Variants in ATP6V0A1 observed in about 807,000 individuals in gnomAD.
ATP6V0A1 encodes ATPase H+ transporting V0 subunit a1, also known as V-type proton ATPase 116 kDa subunit a 1.
In ATP6V0A1, 43 loss-of-function variants were observed where a neutral mutation model predicts 105.4. The ratio of observed to expected loss-of-function variants is 0.41; its 90% CI spans 0.32 to 0.53. The LOEUF (loss-of-function observed/expected upper bound fraction) is 0.53, where lower values mean the gene tolerates loss of function less well. Among genes scored for constraint, ATP6V0A1 ranks in the 20% least tolerant of loss-of-function variants. The pLI is 0.30. For synonymous variants in ATP6V0A1, 362 were observed against 372.8 expected (o/e 0.97, Z 0.33); for missense variants, 676 against 1,051.1 (o/e 0.64, Z 4.93).
chr17:42,521,123 C>T lies in ATP6V0A1; in HGVS notation c.*3C>T, dbSNP rs750638501. On this transcript the variant is annotated 3_prime_UTR_variant, in exon 22 of 22. Transcript: ENST00000343619. The surrounding 1 kb of genome is among the most constrained non-coding windows in gnomAD (Gnocchi z 4.8). The stretch of plus-strand genomic sequence containing the variant: ...GGGAAGGGAAGTTTGAAGAGTGAGT[C>T]CCTGTGAGGGCCGTGTGCCCCATGC... The T allele has an allele frequency of 6.2e-7, 1 of 1,604,454 alleles. No homozygotes were observed. Among genetic ancestry groups the T allele is most frequent in the African/African-American group, 1.3e-5 (1 of 74,570 alleles).
Position 42,490,580 on chromosome 17 carries a change from G to A in ATP6V0A1, c.1117G>A (p.Gly373Ser). 1 of 1,613,476 alleles carries A rather than the reference G, an allele frequency of 6.2e-7. No homozygotes were observed. The highest frequency in any genetic ancestry group is 8.5e-7 in the Non-Finnish European group (1 of 1,179,784). ...TAACAAAACCAACAAGTTTACCTAT[G>A]GCTTTCAGAACATAGTAGATGCTTA... ...TYNKTNKFTY[G>S]FQNIVDAYGI... The change falls in exon 11 of 22, where the codon GGC (glycine) becomes AGC (serine). Residue 373 changes from glycine to serine, a missense_variant. Gly to Ser is a moderately conservative substitution (Grantham distance 56). Transcript: ENST00000343619.
Position 42,477,723 on chromosome 17 carries a change from G to A in ATP6V0A1, c.487G>A (p.Gly163Ser). 1 of 1,613,750 alleles carries A rather than the reference G, an allele frequency of 6.2e-7. No homozygotes were observed. Among genetic ancestry groups the A allele is most frequent in the Non-Finnish European group, 8.5e-7 (1 of 1,179,798 alleles). ...CTTGGAGCCAAGTGAGATGGGAAGA[G>A]GCACTCCTTTAAGACTTGGGTAAGT... ...SLLEPSEMGR[G>S]TPLRLGFVAG... Residue 163 changes from glycine to serine, a missense_variant, in exon 6 of 22, where the codon GGC becomes AGC. Physicochemically the swap from Gly to Ser is moderately conservative, Grantham distance 56 (BLOSUM62 0). Transcript: ENST00000343619.
At position 42,521,054 on chromosome 17, in the gene ATP6V0A1, C is replaced by G; in HGVS notation, c.2448C>G (p.Ser816Arg). ...TTGAGTTCCAGAATAAATTCTACAG[C>G]GGGACCGGTTTCAAGTTCTTACCCT... The part of the protein sequence containing the change: ...HWVEFQNKFY[S>R]GTGFKFLPFS... The change falls in exon 22 of 22, where the codon AGC becomes AGG. Residue 816 changes from serine (S) to arginine (R), a missense_variant. Ser to Arg is a moderately radical substitution (Grantham distance 110, BLOSUM62 -1). Coordinates refer to ENST00000343619, the MANE Select transcript of ATP6V0A1 (RefSeq NM_001130021.3). The surrounding 1 kb of genome is among the most constrained non-coding windows in gnomAD (Gnocchi z 4.8). The G allele has an allele frequency of 6.2e-7, 1 of 1,607,954 alleles. No individual in the cohort carries two copies. The highest frequency in any genetic ancestry group is 8.5e-7 in the Non-Finnish European group (1 of 1,177,252).
chr17:42,517,305 C>CAAA (rs571125471), intron 21 of ATP6V0A1, among the ~76,000 whole-genome samples: 11 of 149,168 alleles, frequency 7.4e-5, no homozygotes, highest in East Asian at 2.0e-4. Flanking sequence ...ACAACAACAA[C>CAAA]AAAAAAACCT....
intron 14 of ATP6V0A1, among the ~76,000 whole-genome samples, chr17:42,497,833 C>T (rs999363621): frequency 1.4e-5 from 2 of 147,582 alleles, no homozygotes; most frequent in South Asian, 4.3e-4. Flanking sequence ...GTCAAGAGAT[C>T]GAGACCTTCC....
At chr17:42,479,581 A>G (rs113541290) in intron 7 of ATP6V0A1, among the ~76,000 whole-genome samples, 20 of 152,348 alleles carry the variant, frequency 1.3e-4, no homozygotes, top group African/African-American at 4.8e-4. Flanking sequence ...GTTCTAAATT[A>G]TCTTGTGAAT....
At chr17:42,465,405 C>T (rs912406390) in intron 2 of ATP6V0A1, among the ~76,000 whole-genome samples, 15 of 151,874 alleles carry the variant, frequency 9.9e-5, no homozygotes, top group African/African-American at 3.6e-4. Context: ...ATTCTTCTGC[C>T]TTGGCCTCCC....
intron 17 of ATP6V0A1, among the ~76,000 whole-genome samples, chr17:42,501,693 G>A (rs551898388): frequency 1.5e-4 from 23 of 151,484 alleles, no homozygotes; most frequent in African/African-American, 4.6e-4. Context: ...GATTACAAGC[G>A]TGAGCCACCA....
chr17:42,504,594 C>T (rs1355319212), intron 17 of ATP6V0A1, among the ~76,000 whole-genome samples: 1 of 152,178 alleles, frequency 6.6e-6, no homozygotes, highest in African/African-American at 2.4e-5. Flanking sequence ...TGGAGGTGTC[C>T]AGGCTCTGGT....
intron 11 of ATP6V0A1, among the ~76,000 whole-genome samples, chr17:42,493,554 A>G (rs1432065888): frequency 1.3e-5 from 2 of 152,208 alleles, no homozygotes; most frequent in African/African-American, 4.8e-5. Flanking sequence ...TCGGATATTC[A>G]GGAGGCTGAG....
intron 6 of ATP6V0A1, 30 bp from the exon 7 acceptor site, chr17:42,478,431 TAG>T (rs774973100): frequency 1.3e-6 from 2 of 1,552,086 alleles, no homozygotes; most frequent in Admixed American, 1.8e-5. Flanking sequence ...TGACATGGAA[TAG>T]AGTTTCCAAT....
intron 7 of ATP6V0A1, among the ~76,000 whole-genome samples, chr17:42,479,767 C>G (rs2089258615): frequency 6.6e-6 from 1 of 152,156 alleles, no homozygotes; most frequent in African/African-American, 2.4e-5. Flanking sequence ...CAAAGGCCAT[C>G]AGGTTGTGGA....
chr17:42,495,278 A>G (rs1280380208), intron 13 of ATP6V0A1, 90 bp downstream of exon 13: 20 of 1,402,570 alleles, frequency 1.4e-5, no homozygotes, highest in Non-Finnish European at 1.8e-5. Context: ...ACACTTCTTT[A>G]GGAAGTGGTG....
Position 42,521,203 on chromosome 17 carries a change from G to A in ATP6V0A1, c.*83G>A. On this transcript the variant is annotated 3_prime_UTR_variant, in exon 22 of 22. Coordinates refer to ENST00000343619, the MANE Select transcript of ATP6V0A1 (RefSeq NM_001130021.3). This position sits in a 1 kb window ranked among gnomAD's most constrained non-coding sequence, Gnocchi z 4.8. ...AGCTGTGCCTCTCTGCCTGTTGGTTGTGATCTGTGGGCACCAGCTCATTCG... is the reference window on the plus strand; with the variant it reads ...AGCTGTGCCTCTCTGCCTGTTGGTTATGATCTGTGGGCACCAGCTCATTCG... The A allele has an allele frequency of 7.9e-7, 1 of 1,262,084 alleles. No homozygotes were observed. Among genetic ancestry groups the A allele is most frequent in the Non-Finnish European group, 1.1e-6 (1 of 912,102 alleles). The allele number at this position is 1,262,084 out of a possible 1,614,324, so 78.2% of individuals were successfully genotyped here.
At chr17:42,518,817 C>G (rs1428446810) in intron 21 of ATP6V0A1, 1 of 152,280 alleles carries the variant, frequency 6.6e-6, no homozygotes, top group East Asian at 1.9e-4. Flanking sequence ...CTGAGCAGAG[C>G]AGTGGAGATG....
chr17:42,469,774 C>T (rs2087633849), intron 4 of ATP6V0A1, among the ~76,000 whole-genome samples: 1 of 152,174 alleles, frequency 6.6e-6, no homozygotes. Flanking sequence ...TCCCAAGTAG[C>T]TGGGACTACA....
At chr17:42,462,515 G>C (rs1163381971) in intron 2 of ATP6V0A1, among the ~76,000 whole-genome samples, 1 of 152,052 alleles carries the variant, frequency 6.6e-6, no homozygotes, top group African/African-American at 2.4e-5. Flanking sequence ...CGCCTCCCAG[G>C]TTCAAGCAAT....
intron 18 of ATP6V0A1, 56 bp from the exon 19 acceptor site, chr17:42,508,516 C>CTT: frequency 6.2e-7 from 1 of 1,609,450 alleles, no homozygotes; most frequent in Non-Finnish European, 8.5e-7. Flanking sequence ...GTGCTCCTAA[C>CTT]TTGTGACCTT....
intron 12 of ATP6V0A1, 99 bp downstream of exon 12, chr17:42,494,572 A>T (rs1598939921): frequency 1.4e-6 from 2 of 1,393,968 alleles, no homozygotes; most frequent in Non-Finnish European, 9.7e-7. Context: ...CCATGAATTT[A>T]TCAAAAGGAA....
Sources: allele counts gnomAD v4.1 joint callset (sites outside exome capture counted in the v4.1 genomes callset), GRCh38; gene constraint gnomAD v4.1.1; non-coding constraint Gnocchi (gnomAD v3.1); transcripts MANE v1.5; gene names NCBI Gene and HGNC (gene_info 2026-07-23, HGNC 2026-07-21).